SEMA3C: variants seen among roughly 807,000 people sequenced by gnomAD.
SEMA3C encodes the protein semaphorin 3C, also known as semaphorin-3C.
A neutral mutation model predicts 89.4 loss-of-function variants in SEMA3C; 47 were observed. The ratio of observed to expected loss-of-function variants is 0.53; its 90% CI spans 0.42 to 0.67. SEMA3C has a LOEUF of 0.67. Among genes scored for constraint, SEMA3C ranks in the 30% least tolerant of loss-of-function variants. SEMA3C has a pLI of 0.00. For missense variants in SEMA3C, 839 were observed against 929.1 expected, an observed-to-expected ratio of 0.90 and a Z score of 1.26; for synonymous variants, 310 against 320.2, an observed-to-expected ratio of 0.97 and a Z score of 0.34.
Position 80,743,755 on chromosome 7 carries a change from T to C in SEMA3C, c.*1139A>G, listed in dbSNP as rs1338304469. On this transcript the variant is annotated 3_prime_UTR_variant, in exon 18 of 18. Coordinates refer to ENST00000265361, the MANE Select transcript of SEMA3C (RefSeq NM_006379.5). The stretch of plus-strand genomic sequence containing the variant: ...CAGTGAACGTATGTACCATTACCTT[T>C]TGAAAGACAGAATGTCTCCTCATAT... 1 of 151,794 alleles carries C rather than the reference T, an allele frequency of 6.6e-6. No individual in the cohort carries two copies. The highest frequency in any genetic ancestry group is 2.4e-5 in the African/African-American group (1 of 41,260). The allele number at this position is 151,794 out of a possible 1,614,324, so 9.4% of individuals were successfully genotyped here. A position where few individuals can be genotyped will look rare whatever the true frequency, so the allele number is the denominator to read the frequency against.
intron 12 of SEMA3C, among the ~76,000 whole-genome samples, chr7:80,773,614 T>C (rs187310518): frequency 2.2e-4 from 33 of 152,290 alleles, no homozygotes; most frequent in African/African-American, 7.9e-4. Context: ...ACTTTCTGTC[T>C]GGGAACAATC....
chr7:80,861,751 AT>A (rs1790776946), intron 2 of SEMA3C, among the ~76,000 whole-genome samples: 1 of 152,210 alleles, frequency 6.6e-6, no homozygotes, highest in Non-Finnish European at 1.5e-5. Context: ...TAAACAATGC[AT>A]CTCAGATGAT....
chr7:80,765,610 T>C (rs1444457762), intron 12 of SEMA3C, among the ~76,000 whole-genome samples: 1 of 152,110 alleles, frequency 6.6e-6, no homozygotes, highest in Admixed American at 6.5e-5. Context: ...AGTGTCTTGC[T>C]CTCTTGCCCA....
Position 80,839,574 on chromosome 7 carries a change from T to G in SEMA3C, c.104-10829A>C, listed in dbSNP as rs186719746. ...TTAAGATACGGAAAACATTTTCTCATGTGCTAAAGTCATAAAAGCAGGCTA... is the reference window on the plus strand; with the variant it reads ...TTAAGATACGGAAAACATTTTCTCAGGTGCTAAAGTCATAAAAGCAGGCTA... On this transcript the variant is annotated intron_variant, in intron 2 of 17. Transcript: ENST00000265361. Among the ~76,000 whole-genome samples, 3 of 152,272 alleles carry G rather than the reference T, an allele frequency of 2.0e-5. No individual in the cohort carries two copies. In the East Asian group the frequency reaches 5.8e-4, roughly 29 times the overall value.
intron 2 of SEMA3C, among the ~76,000 whole-genome samples, chr7:80,877,369 C>T (rs1282176063): frequency 6.6e-6 from 1 of 152,152 alleles, no homozygotes; most frequent in Non-Finnish European, 1.5e-5. Context: ...CTGAATTCTT[C>T]AAATTTGGAA....
At chr7:80,906,407 A>G (rs1275444261) in intron 2 of SEMA3C, among the ~76,000 whole-genome samples, 2 of 152,210 alleles carry the variant, frequency 1.3e-5, no homozygotes, top group Non-Finnish European at 2.9e-5. Context: ...TAAATGACAC[A>G]TCTTAACTCT....
chr7:80,907,232 T>C (rs967404152), intron 2 of SEMA3C, among the ~76,000 whole-genome samples: 1 of 152,090 alleles, frequency 6.6e-6, no homozygotes, highest in Non-Finnish European at 1.5e-5. Context: ...TCCAGTTGCA[T>C]GTGCATTAAA....
intron 2 of SEMA3C, among the ~76,000 whole-genome samples, chr7:80,841,003 A>G (rs559627830): frequency 4.6e-5 from 7 of 152,262 alleles, no homozygotes; most frequent in South Asian, 2.1e-4. Context: ...GATTCAAAGG[A>G]TGATTAGAAG....
intron 12 of SEMA3C, among the ~76,000 whole-genome samples, chr7:80,785,681 G>T (rs922766335): frequency 6.6e-6 from 1 of 152,118 alleles, no homozygotes; most frequent in South Asian, 2.1e-4. Context: ...GTGCAATGGC[G>T]CAATCTTCAC....
intron 12 of SEMA3C, among the ~76,000 whole-genome samples, chr7:80,776,159 C>A (rs148492792): frequency 0.012 from 1,759 of 152,042 alleles, 38 homozygotes; most frequent in African/African-American, 0.04. Context: ...ATGTACAAGA[C>A]CGTGCTCTAC....
Position 80,804,268 on chromosome 7 carries a change from A to G in SEMA3C, c.659-20T>C. 1 of 1,567,536 alleles carries G rather than the reference A, an allele frequency of 6.4e-7. No homozygotes were observed. The highest frequency in any genetic ancestry group is 8.7e-7 in the Non-Finnish European group (1 of 1,154,778). On this transcript the variant is annotated intron_variant, in intron 7 of 17. Transcript: ENST00000265361. ...TAGGTTCTAGAAAAAAAGGTAAAAG[A>G]CTAGGTATATATTCATTATGAAAAT... is the stretch of plus-strand genomic sequence containing the variant.
intron 17 of SEMA3C, among the ~76,000 whole-genome samples, chr7:80,745,530 A>C (rs968750056): frequency 1.3e-5 from 2 of 151,578 alleles, no homozygotes; most frequent in Non-Finnish European, 2.9e-5. Context: ...TGAATCTAAT[A>C]GAGGGTGAAG....
chr7:80,891,803 T>G lies in SEMA3C; in HGVS notation c.103+24876A>C, dbSNP rs1280661628. ...ACTAAAATTCATTCTCCAGATTATA[T>G]AAAGTATCTTAATTTCCCTAAATGA... is the stretch of plus-strand genomic sequence containing the variant. On this transcript the variant is annotated intron_variant, in intron 2 of 17. Coordinates refer to ENST00000265361, the MANE Select transcript of SEMA3C (RefSeq NM_006379.5). Among the ~76,000 whole-genome samples the G allele has an allele frequency of 3.9e-5, 6 of 152,194 alleles. No homozygotes were observed. In the East Asian group the frequency reaches 1.2e-3, roughly 29 times the overall value.
intron 5 of SEMA3C, among the ~76,000 whole-genome samples, chr7:80,812,824 T>C (rs1789500179): frequency 1.3e-5 from 2 of 152,112 alleles, no homozygotes; most frequent in Non-Finnish European, 2.9e-5. Context: ...TCTAGCTCTG[T>C]CACCTGGGCT....
chr7:80,803,854 G>T (rs1789269953), intron 8 of SEMA3C, among the ~76,000 whole-genome samples: 1 of 151,994 alleles, frequency 6.6e-6, no homozygotes, highest in African/African-American at 2.4e-5. Context: ...CTTGAATTAA[G>T]ATTTTTACTA....
intron 2 of SEMA3C, among the ~76,000 whole-genome samples, chr7:80,898,185 T>C (rs891233170): frequency 2.6e-5 from 4 of 151,998 alleles, no homozygotes; most frequent in Admixed American, 2.0e-4. Flanking sequence ...GCCAACATGC[T>C]GAACCCCGCG....
chr7:80,919,498 G>T, upstream of SEMA3C: 2 of 453,354 alleles, frequency 4.4e-6, no homozygotes, highest in Non-Finnish European at 5.8e-6. Context: ...GATCACTGCA[G>T]CCTTTTAAGG....
chr7:80,832,524 G>A (rs763263077), intron 2 of SEMA3C, among the ~76,000 whole-genome samples: 1 of 152,068 alleles, frequency 6.6e-6, no homozygotes, highest in Non-Finnish European at 1.5e-5. Flanking sequence ...TTTTAAATAC[G>A]GCCATATGAA....
At chr7:80,886,140 TTCTA>T (rs1177817250) in intron 2 of SEMA3C, among the ~76,000 whole-genome samples, 2 of 152,172 alleles carry the variant, frequency 1.3e-5, no homozygotes, top group Non-Finnish European at 2.9e-5. Flanking sequence ...CTGTTGAAGA[TTCTA>T]TCTAATAGAA....
Sources: gnomAD v4.1 joint callset for allele counts (sites outside exome capture counted in the v4.1 genomes callset) on GRCh38, gnomAD v4.1.1 for gene constraint, MANE v1.5 for transcripts, NCBI Gene and HGNC (gene_info 2026-07-23, HGNC 2026-07-21) for gene names.